The following FBXW7 variants were observed in gnomAD, a reference collection of about 807,000 sequenced individuals.
FBXW7 encodes the protein F-box and WD repeat domain containing 7.
A neutral mutation model predicts 86.3 loss-of-function variants in FBXW7; 11 were observed. The ratio of observed to expected loss-of-function variants is 0.13; its 90% CI spans 0.08 to 0.21. FBXW7 has a LOEUF of 0.21. Among genes scored for constraint, FBXW7 ranks in the 10% least tolerant of loss-of-function variants. The pLI is 1.00. For missense variants in FBXW7, 488 were observed against 847.4 expected, an observed-to-expected ratio of 0.58 and a Z score of 5.27; for synonymous variants, 313 against 297.9, an observed-to-expected ratio of 1.05 and a Z score of -0.52.
intron 2 of FBXW7, among the ~76,000 whole-genome samples, chr4:152,507,151 TTA>T (rs1747503547): frequency 6.6e-6 from 1 of 152,128 alleles, no homozygotes; most frequent in Admixed American, 6.5e-5. Context: ...ACCGAAATAT[TTA>T]TAGACACTGA....
In FBXW7 at chr4:152,412,324, G is replaced by T. The variant is rs972730453; in HGVS notation, c.-70+156C>A. ...CAGATTAAAAGGCTTTTTACCCTGG[G>T]TATTTCCCAAACTTTTCTGATCACA... On this transcript the variant is annotated intron_variant, in intron 3 of 13. Coordinates refer to ENST00000281708, the MANE Select transcript of FBXW7 (RefSeq NM_001349798.2). 2.6e-5 allele frequency among the ~76,000 whole-genome samples: 4 copies of T among 151,902 alleles called. No individual in the cohort carries two copies. The East Asian group carries it at 7.7e-4, about 29-fold the overall frequency.
chr4:152,406,658 T>C (rs1249477655), intron 4 of FBXW7, among the ~76,000 whole-genome samples: 3 of 152,184 alleles, frequency 2.0e-5, no homozygotes, highest in African/African-American at 7.2e-5. Context: ...TCTAGAGAAA[T>C]TGACTTAAAT....
chr4:152,522,432 A>G (rs1227954437), intron 2 of FBXW7, among the ~76,000 whole-genome samples: 1 of 152,220 alleles, frequency 6.6e-6, no homozygotes, highest in Non-Finnish European at 1.5e-5. Context: ...AAGCCTATCC[A>G]TGTCTGTGAC....
intron 2 of FBXW7, among the ~76,000 whole-genome samples, chr4:152,479,840 C>T (rs975945640): frequency 6.6e-6 from 1 of 152,126 alleles, no homozygotes; most frequent in Admixed American, 6.6e-5. Context: ...TAATTGGGCA[C>T]CACTGCATAC....
chr4:152,413,005 T>C (rs969988768), intron 2 of FBXW7, among the ~76,000 whole-genome samples: 1 of 152,134 alleles, frequency 6.6e-6, no homozygotes, highest in Admixed American at 6.6e-5. Flanking sequence ...TGCTGGTATC[T>C]ATATGGACAT....
At chr4:152,349,448 G>T (rs1267376505) in intron 5 of FBXW7, among the ~76,000 whole-genome samples, 1 of 151,910 alleles carries the variant, frequency 6.6e-6, no homozygotes, top group South Asian at 2.1e-4. Context: ...GTGAGAGTGG[G>T]AAAAGTTTTA....
chr4:152,393,034 C>T (rs935925085), intron 4 of FBXW7, among the ~76,000 whole-genome samples: 6 of 151,932 alleles, frequency 3.9e-5, no homozygotes, highest in Non-Finnish European at 7.4e-5. Context: ...ATTCAGATGA[C>T]AAATAAGGCA....
At chr4:152,477,422 C>A (rs142974390) in intron 2 of FBXW7, among the ~76,000 whole-genome samples, 2 of 152,134 alleles carry the variant, frequency 1.3e-5, no homozygotes, top group Admixed American at 1.3e-4. Context: ...AACAACTATA[C>A]GCATTTGGAA....
At chr4:152,510,469 G>C (rs1175674923) in intron 2 of FBXW7, among the ~76,000 whole-genome samples, 1 of 152,108 alleles carries the variant, frequency 6.6e-6, no homozygotes, top group Non-Finnish European at 1.5e-5. Flanking sequence ...TTTCATGTTT[G>C]TGAAAAATAA....
chr4:152,438,752 C>T (rs1740611735), intron 2 of FBXW7, among the ~76,000 whole-genome samples: 1 of 152,164 alleles, frequency 6.6e-6, no homozygotes, highest in Non-Finnish European at 1.5e-5. Context: ...GGTAAACCTA[C>T]TCCATCACCC....
At chr4:152,376,053 T>TA (rs1734483766) in intron 4 of FBXW7, among the ~76,000 whole-genome samples, 1 of 152,094 alleles carries the variant, frequency 6.6e-6, no homozygotes, top group South Asian at 2.1e-4. Context: ...CAGTTTTGTT[T>TA]AAAAAATTAT....
At chr4:152,358,557 A>C (rs1732621148) in intron 4 of FBXW7, among the ~76,000 whole-genome samples, 1 of 152,142 alleles carries the variant, frequency 6.6e-6, no homozygotes. Context: ...AAAAATATTA[A>C]CAGCAGGAAG....
chr4:152,370,849 C>G lies in FBXW7; in HGVS notation c.502-20725G>C, dbSNP rs1434413283. Among the ~76,000 whole-genome samples, 4 of 151,152 alleles carry G rather than the reference C, an allele frequency of 2.6e-5. No homozygotes were observed. The East Asian group carries it at 5.8e-4, about 22-fold the overall frequency. On this transcript the variant is annotated intron_variant, in intron 4 of 13. Transcript: ENST00000281708. ...ATTTGAGAAAGACTCACTGCTTCCC[C>G]CATTCCTAAATTGCAATGAAGTTTA...
intron 3 of FBXW7, among the ~76,000 whole-genome samples, chr4:152,412,145 C>T (rs1033295990): frequency 2.0e-5 from 3 of 151,832 alleles, no homozygotes; most frequent in Admixed American, 6.6e-5. Flanking sequence ...TTCCTTTGAC[C>T]AATAAAACAT....
intron 10 of FBXW7, chr4:152,328,996 T>C (rs1729312755): frequency 6.6e-6 from 1 of 151,864 alleles, no homozygotes; most frequent in Non-Finnish European, 1.5e-5. Flanking sequence ...AAAAGACATT[T>C]TAAAAGACAT....
intron 2 of FBXW7, among the ~76,000 whole-genome samples, chr4:152,503,048 TAA>T (rs1377970347): frequency 6.6e-6 from 1 of 152,114 alleles, no homozygotes; most frequent in Non-Finnish European, 1.5e-5. Context: ...CACATTTACA[TAA>T]AGAGATGGTA....
chr4:152,448,996 C>A (rs1194545078), intron 2 of FBXW7, among the ~76,000 whole-genome samples: 2 of 152,152 alleles, frequency 1.3e-5, no homozygotes, highest in Non-Finnish European at 2.9e-5. Flanking sequence ...TAAATGCACA[C>A]GATTTCAACA....
At chr4:152,352,860 G>A (rs994502348) in intron 4 of FBXW7, 8 of 1,481,890 alleles carry the variant, frequency 5.4e-6, no homozygotes, top group South Asian at 2.8e-5. Context: ...AGAGGGATCA[G>A]ATTACATCTT....
At chr4:152,340,452 G>A (rs958409238) in intron 6 of FBXW7, among the ~76,000 whole-genome samples, 6 of 151,542 alleles carry the variant, frequency 4.0e-5, no homozygotes, top group African/African-American at 9.7e-5. Context: ...CGTGGCGGGC[G>A]CCTGTAGTCC....
Sources: allele counts gnomAD v4.1 joint callset (sites outside exome capture counted in the v4.1 genomes callset), GRCh38; gene constraint gnomAD v4.1.1; transcripts MANE v1.5; gene names NCBI Gene and HGNC (gene_info 2026-07-23, HGNC 2026-07-21).